Variants in RAPGEF4 observed in about 807,000 individuals in gnomAD.
RAPGEF4 encodes Rap guanine nucleotide exchange factor 4.
A neutral mutation model predicts 147.9 loss-of-function variants in RAPGEF4; 66 were observed. That is an observed-to-expected ratio of 0.45 (90% CI 0.37 to 0.55). The LOEUF is 0.55. Ranked by LOEUF, RAPGEF4 falls within the 20% of genes least tolerant of loss-of-function variation. The pLI, the probability that RAPGEF4 is intolerant of heterozygous loss-of-function variation, is 0.00. For synonymous variants in RAPGEF4, 419 were observed against 442.7 expected (o/e 0.95, Z 0.67); for missense variants, 1,071 against 1,257.3 (o/e 0.85, Z 2.24).
chr2:173,050,409 T>C (rs978313537), intron 30 of RAPGEF4, among the ~76,000 whole-genome samples: 4 of 152,208 alleles, frequency 2.6e-5, no homozygotes, highest in Non-Finnish European at 5.9e-5. Flanking sequence ...GGCATGTATG[T>C]CTTCTCTCTG....
intron 17 of RAPGEF4, among the ~76,000 whole-genome samples, chr2:173,003,819 GC>G (rs1293441991): frequency 6.6e-6 from 1 of 152,012 alleles, no homozygotes; most frequent in African/African-American, 2.4e-5. Flanking sequence ...ATCATAAACT[GC>G]TTAACAGAAC....
chr2:172,874,205 C>T (rs978297234), intron 4 of RAPGEF4, among the ~76,000 whole-genome samples: 1 of 152,110 alleles, frequency 6.6e-6, no homozygotes, highest in Non-Finnish European at 1.5e-5. Flanking sequence ...TGGGTAGATA[C>T]CCAAAGGATT....
intron 17 of RAPGEF4, among the ~76,000 whole-genome samples, chr2:173,002,050 G>C (rs1199380606): frequency 6.7e-6 from 1 of 150,192 alleles, no homozygotes; most frequent in Non-Finnish European, 1.5e-5. Context: ...AAAGGGTTAT[G>C]GAGAAGAACC....
chr2:172,906,194 G>A (rs1481730268), intron 4 of RAPGEF4, among the ~76,000 whole-genome samples: 1 of 152,138 alleles, frequency 6.6e-6, no homozygotes, highest in Non-Finnish European at 1.5e-5. Flanking sequence ...CTAATCATGA[G>A]GCTTTCAGAG....
intron 4 of RAPGEF4, among the ~76,000 whole-genome samples, chr2:172,819,082 C>T (rs1366668547): frequency 3.9e-5 from 6 of 151,934 alleles, no homozygotes; most frequent in Non-Finnish European, 7.4e-5. Context: ...CAGCTTGGCA[C>T]TTTTTTTTCT....
At chr2:172,957,031 T>C (rs942988309) in intron 6 of RAPGEF4, among the ~76,000 whole-genome samples, 4 of 152,186 alleles carry the variant, frequency 2.6e-5, no homozygotes, top group Non-Finnish European at 4.4e-5. Flanking sequence ...GTGGAGACAC[T>C]GGAGTGAAAT....
At chr2:172,777,084 A>G (rs576568631) in intron 1 of RAPGEF4, among the ~76,000 whole-genome samples, 1 of 152,202 alleles carries the variant, frequency 6.6e-6, no homozygotes, top group African/African-American at 2.4e-5. Flanking sequence ...TTTCCTAGGC[A>G]GTTAATGTCC....
rs566595699 is a variant in RAPGEF4, at chr2:172,835,578, G to A, written c.444+21153G>A. Among the ~76,000 whole-genome samples, 7 of 152,220 alleles carry A rather than the reference G, an allele frequency of 4.6e-5. No individual in the cohort carries two copies. In the East Asian group the frequency reaches 9.6e-4, roughly 21 times the overall value. On this transcript the variant is annotated intron_variant, in intron 4 of 30. Coordinates refer to ENST00000397081, the MANE Select transcript of RAPGEF4 (RefSeq NM_007023.4). Reference sequence around the variant, plus strand: ...ATAAAATATAGCTTGTGTGGTGGTGGCATGCCTAGCACATGAATAAACACT... The same window carrying A: ...ATAAAATATAGCTTGTGTGGTGGTGACATGCCTAGCACATGAATAAACACT...
At chr2:172,743,468 A>G (rs1041704948) in intron 1 of RAPGEF4, among the ~76,000 whole-genome samples, 4 of 152,104 alleles carry the variant, frequency 2.6e-5, no homozygotes, top group Admixed American at 2.0e-4. Flanking sequence ...CTTTGCTGTA[A>G]CTGCTCAGAT....
Position 172,952,559 on chromosome 2 carries a change from T to G in RAPGEF4, c.538-8201T>G, listed in dbSNP as rs1047646642. 2.0e-5 allele frequency among the ~76,000 whole-genome samples: 3 copies of G among 152,324 alleles called. No homozygotes were observed. In the East Asian group the frequency reaches 5.8e-4, roughly 29 times the overall value. Reference sequence around the variant, plus strand: ...CATCTCTTAGCTTCTACTACTCAAATGCAGATTTCATAGTAATATGTTGGT... The same window carrying G: ...CATCTCTTAGCTTCTACTACTCAAAGGCAGATTTCATAGTAATATGTTGGT... On this transcript the variant is annotated intron_variant, in intron 6 of 30. Transcript: ENST00000397081.
intron 4 of RAPGEF4, among the ~76,000 whole-genome samples, chr2:172,891,732 T>C (rs1697940261): frequency 6.6e-6 from 1 of 152,218 alleles, no homozygotes; most frequent in Admixed American, 6.5e-5. Flanking sequence ...AGTGACAGAA[T>C]GGGACTTGGT....
chr2:172,813,852 A>G (rs1688249987), intron 3 of RAPGEF4, among the ~76,000 whole-genome samples: 1 of 152,238 alleles, frequency 6.6e-6, no homozygotes, highest in Non-Finnish European at 1.5e-5. Context: ...AAATTGAAGC[A>G]CACCCATGTT....
intron 4 of RAPGEF4, among the ~76,000 whole-genome samples, chr2:172,839,349 A>AG (rs1337729314): frequency 6.6e-6 from 1 of 152,118 alleles, no homozygotes; most frequent in Non-Finnish European, 1.5e-5. Flanking sequence ...AGCAGCCCTG[A>AG]GGGCTGCTGT....
chr2:172,814,940 A>G (rs1323719615), intron 4 of RAPGEF4, among the ~76,000 whole-genome samples: 1 of 152,248 alleles, frequency 6.6e-6, no homozygotes, highest in African/African-American at 2.4e-5. Flanking sequence ...GTGGCACAGC[A>G]GTGAATGGAT....
At chr2:173,015,832 A>G (rs1188434451) in intron 18 of RAPGEF4, among the ~76,000 whole-genome samples, 1 of 152,200 alleles carries the variant, frequency 6.6e-6, no homozygotes, top group Non-Finnish European at 1.5e-5. Context: ...ACCACCAACC[A>G]TGACCCAGAA....
chr2:172,936,098 C>A (rs921768402), intron 6 of RAPGEF4, among the ~76,000 whole-genome samples: 1 of 152,108 alleles, frequency 6.6e-6, no homozygotes, highest in African/African-American at 2.4e-5. Context: ...TTTTAAAAAT[C>A]TTCCTCATGC....
At chr2:173,001,914 G>A (rs1693959730) in intron 17 of RAPGEF4, among the ~76,000 whole-genome samples, 1 of 145,718 alleles carries the variant, frequency 6.9e-6, no homozygotes, top group Admixed American at 7.2e-5. Context: ...ATGAGATATG[G>A]GCAGGGACAA....
Position 172,875,066 on chromosome 2 carries a change from C to T in RAPGEF4, c.445-42736C>T, listed in dbSNP as rs373715791. On this transcript the variant is annotated intron_variant, in intron 4 of 30. Transcript: ENST00000397081. The stretch of plus-strand genomic sequence containing the variant: ...TCTTCTTTTGAGAAGTGTCTGTTCA[C>T]ATCCTTTGCCCACTTTTTGATGGGG... 2.5e-3 allele frequency among the ~76,000 whole-genome samples: 380 copies of T among 152,032 alleles called. 1 individual carries two copies. The highest frequency in any genetic ancestry group is 0.012 in the East Asian group (63 of 5,174).
At chr2:172,936,180 G>T (rs1052132415) in intron 6 of RAPGEF4, among the ~76,000 whole-genome samples, 2 of 152,146 alleles carry the variant, frequency 1.3e-5, no homozygotes, top group Non-Finnish European at 2.9e-5. Context: ...ACCAGCCTGG[G>T]CAACACAGTG....
Sources: gnomAD v4.1 joint callset for allele counts (sites outside exome capture counted in the v4.1 genomes callset) on GRCh38, gnomAD v4.1.1 for gene constraint, MANE v1.5 for transcripts, NCBI Gene and HGNC (gene_info 2026-07-23, HGNC 2026-07-21) for gene names.